The following SLC36A1 variants were observed in gnomAD, a reference collection of about 807,000 sequenced individuals.
SLC36A1 encodes proton-coupled amino acid transporter 1.
A neutral mutation model predicts 47.5 loss-of-function variants in SLC36A1; 30 were observed. That is an observed-to-expected ratio of 0.63 (90% confidence interval 0.47 to 0.86). The LOEUF (loss-of-function observed/expected upper bound fraction) is 0.86, where lower values mean the gene tolerates loss of function less well. Ranked by LOEUF, SLC36A1 falls within the 40% of genes least tolerant of loss-of-function variation. SLC36A1 has a pLI of 0.00. For missense variants in SLC36A1, 517 were observed against 606.0 expected (o/e 0.85, Z 1.54); for synonymous variants, 255 against 249.7 (o/e 1.02, Z -0.20).
At chr5:151,531,526 A>T in the SLC36A1 span, 5 of 1,597,238 alleles carry the variant, frequency 3.1e-6, no homozygotes, top group Non-Finnish European at 4.3e-6. The surrounding 1 kb of genome is among the most constrained non-coding windows in gnomAD (Gnocchi z 5.7). Flanking sequence ...CAGGGGAGGA[A>T]CCCAGCGCTC....
At chr5:151,369,876 C>T in the SLC36A1 span, among the ~76,000 whole-genome samples, 2 of 152,106 alleles carry the variant, frequency 1.3e-5, no homozygotes, top group African/African-American at 4.8e-5. Context: ...CTCACTGCAA[C>T]CTCCGCCTCC....
upstream of SLC36A1, among the ~76,000 whole-genome samples, chr5:151,435,003 A>T (rs1759684931): frequency 6.6e-6 from 1 of 152,252 alleles, no homozygotes. Flanking sequence ...GGTAGAATAA[A>T]TATTTGAAAA....
chr5:151,415,794 G>C, the SLC36A1 span, among the ~76,000 whole-genome samples: 1 of 152,132 alleles, frequency 6.6e-6, no homozygotes, highest in Non-Finnish European at 1.5e-5. Context: ...TCTATGAATA[G>C]ACTGATCTTC....
At chr5:151,403,843 T>A in the SLC36A1 span, among the ~76,000 whole-genome samples, 1 of 152,210 alleles carries the variant, frequency 6.6e-6, no homozygotes, top group African/African-American at 2.4e-5. Flanking sequence ...TGGTCAAGCA[T>A]GTGGTTGATC....
chr5:151,530,255 A>G, the SLC36A1 span, among the ~76,000 whole-genome samples: 10 of 152,058 alleles, frequency 6.6e-5, no homozygotes, highest in Non-Finnish European at 7.4e-5. Flanking sequence ...ACACCAGAAA[A>G]AAAAAAAAAA....
the SLC36A1 span, among the ~76,000 whole-genome samples, chr5:151,407,133 G>A: frequency 6.6e-6 from 1 of 152,098 alleles, no homozygotes; most frequent in African/African-American, 2.4e-5. Context: ...CAGGTAGTAT[G>A]GCCCCAAAGA....
rs756954823 is a variant in SLC36A1, at chr5:151,473,761, G to A, written c.812G>A (p.Gly271Asp). 1 of 1,613,148 alleles carries A rather than the reference G, an allele frequency of 6.2e-7. No individual in the cohort carries two copies. Among genetic ancestry groups the A allele is most frequent in the South Asian group, 1.1e-5 (1 of 91,048 alleles). Reference sequence around the variant, plus strand: ...GGCACAGCGATTTTTTCATTTGAAGGCATTGGAATGGTAAGAGCTGCACTG... The same window carrying A: ...GGCACAGCGATTTTTTCATTTGAAGACATTGGAATGGTAAGAGCTGCACTG... ...FFGTAIFSFE[G>D]IGMVLPLENK... Residue 271 changes from glycine (G) to aspartate (D), a missense_variant, in exon 8 of 11, where the codon GGC becomes GAC. Physicochemically the swap from Gly to Asp is moderately conservative, Grantham distance 94. Coordinates refer to ENST00000243389, the MANE Select transcript of SLC36A1 (RefSeq NM_078483.4).
chr5:151,546,161 T>C, the SLC36A1 span: 1 of 1,614,134 alleles, frequency 6.2e-7, no homozygotes, highest in Non-Finnish European at 8.5e-7. Flanking sequence ...ATGGGGGCAC[T>C]CCTATCTGAG....
the SLC36A1 span, among the ~76,000 whole-genome samples, chr5:151,359,108 G>A: frequency 6.6e-6 from 1 of 151,664 alleles, no homozygotes. Context: ...GATCATGTAT[G>A]GTGAATTACT....
At chr5:151,526,523 C>G in the SLC36A1 span, among the ~76,000 whole-genome samples, 1 of 152,212 alleles carries the variant, frequency 6.6e-6, no homozygotes, top group Non-Finnish European at 1.5e-5. Context: ...TGGTTGCTAA[C>G]TATTTAGCAT....
chr5:151,474,183 A>AAAAAAAAAAAAAAAAAAAAAATTATCTTC (rs1561770143), intron 8 of SLC36A1, among the ~76,000 whole-genome samples: 2 of 145,370 alleles, frequency 1.4e-5, no homozygotes, highest in African/African-American at 5.6e-5. Context: ...AAAAAAAGAA[A>AAAAAAAAAAAAAAAAAAAAAATTATCTTC]TTATCTTCTG....
chr5:151,477,097 A>G, intron 9 of SLC36A1: 1 of 387,198 alleles, frequency 2.6e-6, no homozygotes, highest in Non-Finnish European at 5.1e-6. Context: ...TTTGATTCCC[A>G]GCATCGGTTG....
At chr5:151,463,324 T>TA (rs1755832517) in intron 2 of SLC36A1, among the ~76,000 whole-genome samples, 3 of 152,204 alleles carry the variant, frequency 2.0e-5, no homozygotes. Context: ...AGTGGAGACT[T>TA]ACAGCACAGT....
the SLC36A1 span, among the ~76,000 whole-genome samples, chr5:151,396,120 T>A: frequency 1.3e-5 from 2 of 148,350 alleles, no homozygotes; most frequent in Non-Finnish European, 3.0e-5. Flanking sequence ...TTATTCTTCC[T>A]CCTTCTTCTT....
the SLC36A1 span, chr5:151,534,579 T>C: frequency 1.9e-6 from 3 of 1,614,050 alleles, no homozygotes; most frequent in Non-Finnish European, 2.5e-6. Flanking sequence ...ATCCGTCGCC[T>C]TGGCAACAAG....
At chr5:151,544,757 C>A in the SLC36A1 span, 2 of 1,614,144 alleles carry the variant, frequency 1.2e-6, no homozygotes, top group Non-Finnish European at 1.7e-6. Flanking sequence ...AGTGATATGT[C>A]CCCAAGATAG....
At chr5:151,537,376 A>G in the SLC36A1 span, among the ~76,000 whole-genome samples, 1 of 150,496 alleles carries the variant, frequency 6.6e-6, no homozygotes, top group Non-Finnish European at 1.5e-5. Flanking sequence ...GGAAAGAAAC[A>G]ACGAACAACG....
At chr5:151,471,319 A>G (rs988943307) in intron 7 of SLC36A1, among the ~76,000 whole-genome samples, 24 of 152,342 alleles carry the variant, frequency 1.6e-4, no homozygotes, top group African/African-American at 5.8e-4. Flanking sequence ...TGATTTTAAC[A>G]TGTATGTTTC....
chr5:151,353,330 G>A, the SLC36A1 span, among the ~76,000 whole-genome samples: 1 of 152,146 alleles, frequency 6.6e-6, no homozygotes, highest in Non-Finnish European at 1.5e-5. Flanking sequence ...GACAGAACCA[G>A]GCATAGCATC....
Sources: gnomAD v4.1 joint callset for allele counts (sites outside exome capture counted in the v4.1 genomes callset) on GRCh38, gnomAD v4.1.1 for gene constraint, Gnocchi (gnomAD v3.1) non-coding constraint, MANE v1.5 for transcripts, NCBI Gene and HGNC (gene_info 2026-07-23, HGNC 2026-07-21) for gene names.